The following ANKRD13C variants were observed in gnomAD, a reference collection of about 807,000 sequenced individuals.
The protein encoded by ANKRD13C is ankyrin repeat domain-containing protein 13C.
A neutral mutation model predicts 65.5 loss-of-function variants in ANKRD13C; 16 were observed. The ratio of observed to expected loss-of-function variants is 0.24; its 90% CI spans 0.17 to 0.37. The LOEUF (loss-of-function observed/expected upper bound fraction) is 0.37. Among genes scored for constraint, ANKRD13C ranks in the 10% least tolerant of loss-of-function variants. The pLI is 1.00. For synonymous variants in ANKRD13C, 235 were observed against 238.7 expected (o/e 0.98, Z 0.14); for missense variants, 503 against 655.9 (o/e 0.77, Z 2.55).
At chr1:70,312,892 A>T (rs1015328149) in intron 5 of ANKRD13C, among the ~76,000 whole-genome samples, 2 of 152,196 alleles carry the variant, frequency 1.3e-5, no homozygotes, top group African/African-American at 2.4e-5. Context: ...TGTTAAGGTA[A>T]GTCAATAAAT....
intron 2 of ANKRD13C, among the ~76,000 whole-genome samples, chr1:70,329,094 C>T (rs917937964): frequency 1.3e-5 from 2 of 151,526 alleles, no homozygotes; most frequent in South Asian, 2.1e-4. Context: ...GTAAAGAGTA[C>T]GATATGAAGG....
At chr1:70,306,724 G>T (rs192000580) in intron 5 of ANKRD13C, among the ~76,000 whole-genome samples, 1 of 152,278 alleles carries the variant, frequency 6.6e-6, no homozygotes, top group Non-Finnish European at 1.5e-5. Context: ...TCTTTGAAGT[G>T]AGACAGTTAA....
chr1:70,294,629 C>T (rs1680001224), intron 8 of ANKRD13C, among the ~76,000 whole-genome samples: 1 of 151,190 alleles, frequency 6.6e-6, no homozygotes, highest in Admixed American at 6.6e-5. Flanking sequence ...ATTTCTTTTT[C>T]TCTCTCTTTT....
intron 1 of ANKRD13C, among the ~76,000 whole-genome samples, chr1:70,345,922 T>A (rs1468719380): frequency 6.6e-6 from 1 of 152,186 alleles, no homozygotes; most frequent in African/African-American, 2.4e-5. Context: ...TGGTGTTCCA[T>A]GAAAAAGGTG....
chr1:70,323,726 T>A (rs1345638048), intron 3 of ANKRD13C, among the ~76,000 whole-genome samples: 1 of 142,054 alleles, frequency 7.0e-6, no homozygotes, highest in Non-Finnish European at 1.5e-5. Flanking sequence ...AGCTAAATAA[T>A]TTTTTTTTTT....
intron 7 of ANKRD13C, among the ~76,000 whole-genome samples, chr1:70,299,199 CA>C (rs1265654505): frequency 6.6e-6 from 1 of 152,070 alleles, no homozygotes; most frequent in African/African-American, 2.4e-5. Flanking sequence ...AGAACATGAA[CA>C]AAGGAATAAA....
intron 10 of ANKRD13C, among the ~76,000 whole-genome samples, chr1:70,275,337 A>G (rs1679081794): frequency 6.6e-6 from 1 of 152,226 alleles, no homozygotes; most frequent in African/African-American, 2.4e-5. Context: ...AAATAGAATG[A>G]GCGTTCCAAT....
intron 9 of ANKRD13C, 150 bp from the exon 10 acceptor site, chr1:70,276,994 T>A (rs1679168646): frequency 1.6e-6 from 1 of 636,918 alleles, no homozygotes; most frequent in East Asian, 2.9e-5. Context: ...CCTTCCAAGA[T>A]CGTTCCATGG....
intron 6 of ANKRD13C, among the ~76,000 whole-genome samples, chr1:70,304,989 T>C (rs1354978954): frequency 1.3e-5 from 2 of 152,108 alleles, no homozygotes; most frequent in East Asian, 3.9e-4. Context: ...CTGGGTGTGA[T>C]GGCTCACACT....
chr1:70,266,658 T>G (rs986084007), intron 12 of ANKRD13C, among the ~76,000 whole-genome samples: 2 of 152,208 alleles, frequency 1.3e-5, no homozygotes, highest in African/African-American at 2.4e-5. Flanking sequence ...TCAGTTCAAT[T>G]TATTGTTTTA....
intron 2 of ANKRD13C, among the ~76,000 whole-genome samples, chr1:70,327,001 T>C (rs1681573522): frequency 8.6e-6 from 1 of 116,354 alleles, no homozygotes; most frequent in African/African-American, 3.6e-5. Context: ...AAATTTAACA[T>C]AATACCCCAG....
At chr1:70,280,148 C>T (rs1679324867) in intron 9 of ANKRD13C, among the ~76,000 whole-genome samples, 1 of 151,992 alleles carries the variant, frequency 6.6e-6, no homozygotes, top group Admixed American at 6.6e-5. Flanking sequence ...ATGTTCTTTC[C>T]TTGAGAAGCT....
At chr1:70,262,870 A>T (rs1427844827) in intron 12 of ANKRD13C, 23 bp from the exon 13 acceptor site, 1 of 1,599,622 alleles carries the variant, frequency 6.3e-7, no homozygotes, top group South Asian at 1.1e-5. Flanking sequence ...CATCAATGAT[A>T]GCATTGTAAA....
At chr1:70,349,947 C>T (rs1267982415) in intron 1 of ANKRD13C, among the ~76,000 whole-genome samples, 5 of 152,092 alleles carry the variant, frequency 3.3e-5, no homozygotes, top group South Asian at 4.2e-4. Flanking sequence ...ACCAGCCTGG[C>T]CAACACGGTG....
In ANKRD13C at chr1:70,354,639, G is replaced by A. The variant is rs550614100; in HGVS notation, c.-231C>T. 4.9e-6 allele frequency: 5 copies of A among 1,027,442 alleles called. No homozygotes were observed. In the East Asian group the frequency reaches 1.1e-4, roughly 22 times the overall value. 63.6% of individuals were successfully genotyped at this position (1,027,442 alleles called of 1,614,324 possible). A position where few individuals can be genotyped will look rare whatever the true frequency, so the allele number is the denominator to read the frequency against. ...GGGAAGCTAGAACTCAGGTGCCCAC[G>A]ACACCAGGATCTCAGTCTCGCCGTC... On this transcript the variant is annotated 5_prime_UTR_variant, in exon 1 of 13. Coordinates refer to ENST00000370944, the MANE Select transcript of ANKRD13C (RefSeq NM_030816.5).
chr1:70,350,104 C>T (rs1424226020), intron 1 of ANKRD13C, among the ~76,000 whole-genome samples: 1 of 150,218 alleles, frequency 6.7e-6, no homozygotes, highest in Non-Finnish European at 1.5e-5. Context: ...GATTGCACCA[C>T]TGCACTCCAA....
At chr1:70,327,393 A>G (rs1038120892) in intron 2 of ANKRD13C, among the ~76,000 whole-genome samples, 1 of 152,226 alleles carries the variant, frequency 6.6e-6, no homozygotes, top group African/African-American at 2.4e-5. Context: ...GAAAATGATC[A>G]GGCAAATCTG....
At position 70,300,816 on chromosome 1, in the gene ANKRD13C, G is replaced by C; in HGVS notation, c.869C>G (p.Ser290Cys). The change falls in exon 7 of 13, where the codon TCT becomes TGT. Residue 290 changes from serine to cysteine, a missense_variant. By Grantham distance (112) the Ser-to-Cys change is moderately radical. This residue lies in a region of ANKRD13C where 300 missense variants were observed against 478.3 expected (regional missense o/e 0.63). Transcript: ENST00000370944. ...IFNGDAAPSE[S>C]FVVLDNEQKV... ...TTGTTCATTGTCTAATACTACAAAA[G>C]ATTCAGAGGGCGCCGCATCCCCATT... 1 of 1,613,418 alleles carries C rather than the reference G, an allele frequency of 6.2e-7. No homozygotes were observed. Among genetic ancestry groups the C allele is most frequent in the Non-Finnish European group, 8.5e-7 (1 of 1,179,796 alleles).
At chr1:70,342,974 G>A (rs1011054517) in intron 1 of ANKRD13C, among the ~76,000 whole-genome samples, 16 of 152,118 alleles carry the variant, frequency 1.1e-4, no homozygotes, top group Admixed American at 7.9e-4. Context: ...CAAGGTGGCC[G>A]TGCTCCTGGA....
Sources: allele counts gnomAD v4.1 joint callset (sites outside exome capture counted in the v4.1 genomes callset), GRCh38; gene constraint gnomAD v4.1.1; regional missense constraint gnomAD v4.1.1; transcripts MANE v1.5; gene names NCBI Gene and HGNC (gene_info 2026-07-23, HGNC 2026-07-21).